Variants in TMEM248 observed in about 807,000 individuals in gnomAD.
The protein encoded by TMEM248 is transmembrane protein 248.
Under a neutral mutation model 30.3 loss-of-function variants are expected in TMEM248, and 9 were observed. That is an observed-to-expected ratio of 0.30 (90% CI 0.18 to 0.52). The LOEUF is 0.52. TMEM248 is among the 20% of genes least tolerant of loss of function. The pLI is 0.97. For synonymous variants in TMEM248, 184 were observed against 154.4 expected (o/e 1.19, Z -1.42); for missense variants, 338 against 403.3 (o/e 0.84, Z 1.39).
At chr7:66,932,482 TGGA>T (rs1396049786) in intron 1 of TMEM248, among the ~76,000 whole-genome samples, 1 of 152,072 alleles carries the variant, frequency 6.6e-6, no homozygotes, top group Non-Finnish European at 1.5e-5. Flanking sequence ...CCTCGCCAGA[TGGA>T]GGATTGTGCA....
At chr7:66,934,126 G>A (rs1791740571) in intron 1 of TMEM248, among the ~76,000 whole-genome samples, 1 of 151,500 alleles carries the variant, frequency 6.6e-6, no homozygotes, top group Non-Finnish European at 1.5e-5. Context: ...ATGGTAGAAA[G>A]GAATTTTAAG....
At chr7:66,946,956 G>A (rs1437729871) in intron 3 of TMEM248, among the ~76,000 whole-genome samples, 2 of 152,188 alleles carry the variant, frequency 1.3e-5, no homozygotes, top group African/African-American at 4.8e-5. Context: ...GCTCATGCCT[G>A]TAATCCCAGC....
rs1243252793 is a variant in TMEM248, at chr7:66,945,162, A to G, written c.346A>G (p.Ile116Val). Reference protein sequence around the residue: ...DSGPVNISVSITLTLDPLKPF... With the variant: ...DSGPVNISVSVTLTLDPLKPF... ...GGGCCCGGTGAATATCTCAGTCTCA[A>G]TCACCCTAACCCTGGACCCACTGAA... Residue 116 changes from isoleucine (I) to valine (V), a missense_variant, in exon 3 of 7, where the codon ATC becomes GTC. Coordinates refer to ENST00000341567, the MANE Select transcript of TMEM248 (RefSeq NM_017994.5). 7 of 1,614,026 alleles carry G rather than the reference A, an allele frequency of 4.3e-6. No individual in the cohort carries two copies. Among genetic ancestry groups the G allele is most frequent in the Non-Finnish European group, 1.7e-6 (2 of 1,180,040 alleles).
At chr7:66,941,322 A>G (rs1403431158) in intron 1 of TMEM248, among the ~76,000 whole-genome samples, 1 of 150,340 alleles carries the variant, frequency 6.7e-6, no homozygotes, top group Non-Finnish European at 1.5e-5. Flanking sequence ...CAGAGGTTGC[A>G]GTGAGCCAAG....
chr7:66,944,161 G>C (rs1431880155), intron 2 of TMEM248, among the ~76,000 whole-genome samples: 8 of 143,068 alleles, frequency 5.6e-5, no homozygotes, highest in Admixed American at 5.1e-4. Flanking sequence ...GTGGAGTGCA[G>C]TGGCACGATC....
At chr7:66,955,182 G>C (rs1792371081) in intron 6 of TMEM248, among the ~76,000 whole-genome samples, 1 of 152,144 alleles carries the variant, frequency 6.6e-6, no homozygotes, top group Non-Finnish European at 1.5e-5. Flanking sequence ...AGAATTGCTT[G>C]AGCCCAGAAG....
intron 5 of TMEM248, among the ~76,000 whole-genome samples, chr7:66,952,986 G>A (rs959408035): frequency 1.3e-5 from 2 of 152,214 alleles, no homozygotes; most frequent in African/African-American, 4.8e-5. Context: ...AGGCAGGGCA[G>A]AGGACAGCGC....
At position 66,931,297 on chromosome 7, in the gene TMEM248, C is replaced by T. The variant is rs1439968184; in HGVS notation, c.-19+9836C>T. Among the ~76,000 whole-genome samples, 6 of 64,396 alleles carry T rather than the reference C, an allele frequency of 9.3e-5. No homozygotes were observed. The South Asian group carries it at 3.4e-3, about 37-fold the overall frequency. The allele number at this position is 64,396 out of a possible 152,430, so 42.2% of individuals were successfully genotyped here. A position where few individuals can be genotyped will look rare whatever the true frequency, so the allele number is the denominator to read the frequency against. ...TGGGTGACAGTGCGAGACAATATCTCAAAAAAAAAAAAAAAAAAAAAAAAG... is the reference window on the plus strand; with the variant it reads ...TGGGTGACAGTGCGAGACAATATCTTAAAAAAAAAAAAAAAAAAAAAAAAG... On this transcript the variant is annotated intron_variant, in intron 1 of 6. Transcript: ENST00000341567.
chr7:66,950,822 C>T (rs1228590391), intron 4 of TMEM248, 130 bp from the exon 5 acceptor site: 6 of 619,430 alleles, frequency 9.7e-6, no homozygotes, highest in Non-Finnish European at 2.5e-6. Context: ...GAAGCATGAA[C>T]GTGTAAGTTA....
intron 1 of TMEM248, among the ~76,000 whole-genome samples, chr7:66,939,458 G>A (rs1191487854): frequency 3.3e-5 from 5 of 152,232 alleles, no homozygotes; most frequent in Non-Finnish European, 5.9e-5. Context: ...CATGGAAAAT[G>A]TGTTGCTGTT....
At chr7:66,950,864 C>A in intron 4 of TMEM248, 88 bp from the exon 5 acceptor site, 1 of 1,106,388 alleles carries the variant, frequency 9.0e-7, no homozygotes, top group South Asian at 2.2e-5. Flanking sequence ...TTGCCGTGTT[C>A]AGTGTTTTAC....
chr7:66,936,823 A>G (rs1006006872), intron 1 of TMEM248, among the ~76,000 whole-genome samples: 1 of 151,946 alleles, frequency 6.6e-6, no homozygotes, highest in Non-Finnish European at 1.5e-5. Context: ...GTCTGATACT[A>G]TTTCTTTGAA....
At chr7:66,946,293 T>C (rs1792105450) in intron 3 of TMEM248, among the ~76,000 whole-genome samples, 1 of 151,010 alleles carries the variant, frequency 6.6e-6, no homozygotes, top group Non-Finnish European at 1.5e-5. Flanking sequence ...ATGCCTAAGA[T>C]GGGCCCGTGC....
intron 1 of TMEM248, among the ~76,000 whole-genome samples, chr7:66,938,149 C>T (rs923687574): frequency 6.6e-6 from 1 of 152,054 alleles, no homozygotes. Context: ...AGAGTTTAGT[C>T]CATTTACATT....
chr7:66,938,767 A>C (rs1290441817), intron 1 of TMEM248, among the ~76,000 whole-genome samples: 1 of 152,152 alleles, frequency 6.6e-6, no homozygotes, highest in African/African-American at 2.4e-5. Context: ...TGGCATCCCA[A>C]AGTGCTGGGA....
intron 1 of TMEM248, among the ~76,000 whole-genome samples, chr7:66,935,680 T>A (rs1791782978): frequency 6.6e-6 from 1 of 152,164 alleles, no homozygotes; most frequent in African/African-American, 2.4e-5. Flanking sequence ...GTAACTGGGA[T>A]TATAGATGCA....
In TMEM248 at chr7:66,955,715, G is replaced by A; in HGVS notation, c.*193G>A. On this transcript the variant is annotated 3_prime_UTR_variant, in exon 7 of 7. Coordinates refer to ENST00000341567, the MANE Select transcript of TMEM248 (RefSeq NM_017994.5). ...TCTATTCAGAAATTGGTCCAATAAT[G>A]CACGTGCTTTGCCCTGGGTACAGCC... The A allele has an allele frequency of 1.4e-6, 1 of 702,752 alleles. No homozygotes were observed. Among genetic ancestry groups the A allele is most frequent in the Non-Finnish European group, 2.3e-6 (1 of 439,730 alleles). 43.5% of individuals were successfully genotyped at this position (702,752 alleles called of 1,614,324 possible).
chr7:66,949,612 A>C (rs902680969), intron 4 of TMEM248, among the ~76,000 whole-genome samples: 2 of 152,258 alleles, frequency 1.3e-5, no homozygotes, highest in Non-Finnish European at 2.9e-5. Flanking sequence ...CTGTTAATTA[A>C]CTAATTTTAA....
intron 1 of TMEM248, chr7:66,922,100 A>T (rs1390838497): frequency 6.6e-6 from 1 of 152,152 alleles, no homozygotes; most frequent in Non-Finnish European, 1.5e-5. Flanking sequence ...GCTGGTGAGG[A>T]GGCCTTTGTG....
Sources: gnomAD v4.1 joint callset for allele counts (sites outside exome capture counted in the v4.1 genomes callset) on GRCh38, gnomAD v4.1.1 for gene constraint, MANE v1.5 for transcripts, NCBI Gene and HGNC (gene_info 2026-07-23, HGNC 2026-07-21) for gene names.